GRAMD1C: variants seen among roughly 807,000 people sequenced by gnomAD.
The protein encoded by GRAMD1C is GRAM domain containing 1C.
In GRAMD1C, 89 loss-of-function variants were observed where a neutral mutation model predicts 97.8. The observed-to-expected ratio is 0.91, with a 90% CI of 0.77 to 1.09. The LOEUF is 1.09. Ranked by LOEUF, GRAMD1C falls within the 50% of genes least tolerant of loss-of-function variation. The probability of loss-of-function intolerance (pLI) is 0.00; values close to 1 mark genes in which losing one functional copy is unlikely to be tolerated. For missense variants in GRAMD1C, 740 were observed against 766.4 expected, an observed-to-expected ratio of 0.97 and a Z score of 0.41; for synonymous variants, 256 against 267.0, an observed-to-expected ratio of 0.96 and a Z score of 0.40.
Position 113,947,068 on chromosome 3 carries a change from T to TAC in GRAMD1C, c.*1591_*1592insCA, listed in dbSNP as rs1165130343. ...CATACTTCAAGGAAGAGTATCGAAG[T>TAC]AAGTTGCTTTATAAATTAAGACTAA... On this transcript the variant is annotated 3_prime_UTR_variant, in exon 18 of 18. Transcript: ENST00000358160. 1 of 152,234 alleles carries TAC rather than the reference T, an allele frequency of 6.6e-6. No individual in the cohort carries two copies. Among genetic ancestry groups the TAC allele is most frequent in the Non-Finnish European group, 1.5e-5 (1 of 68,044 alleles). The allele number at this position is 152,234 out of a possible 1,614,324, so 9.4% of individuals were successfully genotyped here. A position where few individuals can be genotyped will look rare whatever the true frequency, so the allele number is the denominator to read the frequency against.
intron 3 of GRAMD1C, among the ~76,000 whole-genome samples, chr3:113,872,041 G>A (rs971168803): frequency 6.6e-6 from 1 of 152,118 alleles, no homozygotes; most frequent in African/African-American, 2.4e-5. Flanking sequence ...TTTCTAGACA[G>A]CTCAGCTCAA....
intron 6 of GRAMD1C, among the ~76,000 whole-genome samples, chr3:113,895,344 C>T (rs748792307): frequency 4.6e-5 from 7 of 152,146 alleles, no homozygotes; most frequent in African/African-American, 9.7e-5. Context: ...AGTATCAGCT[C>T]GTGAGTGTGG....
At chr3:113,864,678 G>A (rs1934515729) in intron 2 of GRAMD1C, among the ~76,000 whole-genome samples, 2 of 152,164 alleles carry the variant, frequency 1.3e-5, no homozygotes, top group Non-Finnish European at 1.5e-5. Context: ...GACCTCTTCA[G>A]AATGGCCTTT....
In GRAMD1C at chr3:113,872,957, C is replaced by T. The variant is rs192322882; in HGVS notation, c.260-2527C>T. Among the ~76,000 whole-genome samples the T allele has an allele frequency of 9.6e-3, 1,444 of 150,310 alleles. 19 individuals are homozygous for T. Among genetic ancestry groups the T allele is most frequent in the African/African-American group, 0.033 (1,341 of 40,956 alleles). On this transcript the variant is annotated intron_variant, in intron 3 of 17. Transcript: ENST00000358160. ...AAAATTAGCCAGGCGTGGTGGCCAG[C>T]GCCTATAGTCCCAGCTACTCGGGAG...
At chr3:113,846,227 C>T (rs552751020) in intron 2 of GRAMD1C, among the ~76,000 whole-genome samples, 86 of 152,192 alleles carry the variant, frequency 5.7e-4, no homozygotes, top group African/African-American at 1.9e-3. Context: ...CAGCCTCAGC[C>T]TCCCAAGTAG....
intron 2 of GRAMD1C, among the ~76,000 whole-genome samples, chr3:113,862,025 G>A (rs545492993): frequency 1.3e-5 from 2 of 152,240 alleles, no homozygotes; most frequent in African/African-American, 4.8e-5. Context: ...TAGGGTGTGG[G>A]TCACAGAGAT....
intron 2 of GRAMD1C, among the ~76,000 whole-genome samples, chr3:113,854,335 G>A (rs543097626): frequency 1.3e-5 from 2 of 152,246 alleles, no homozygotes; most frequent in Admixed American, 1.3e-4. Flanking sequence ...AGAAAATATG[G>A]ATAGAGAAGA....
intron 2 of GRAMD1C, among the ~76,000 whole-genome samples, chr3:113,868,662 A>G (rs1173971424): frequency 1.3e-5 from 2 of 152,074 alleles, no homozygotes; most frequent in East Asian, 3.9e-4. Flanking sequence ...CCTTCTATTG[A>G]CAGATCTGTG....
chr3:113,859,292 C>T (rs568225513), intron 2 of GRAMD1C, among the ~76,000 whole-genome samples: 5 of 152,110 alleles, frequency 3.3e-5, no homozygotes, highest in South Asian at 4.1e-4. Context: ...TCATCAGTTC[C>T]GTGTGTTATT....
chr3:113,863,067 A>G (rs763146231), intron 2 of GRAMD1C, among the ~76,000 whole-genome samples: 10 of 152,214 alleles, frequency 6.6e-5, no homozygotes, highest in African/African-American at 9.6e-5. Context: ...TATATGACCC[A>G]GCAATTCTTC....
chr3:113,869,585 A>G lies in GRAMD1C; in HGVS notation c.253A>G (p.Ile85Val). ...FTHLPDTERL[I>V]ADYACALQRD... ...ACATCTACCTGATACAGAGAGGCTG[A>G]TAGCAGGTAAAATAGAAATTTTCAA... is the stretch of plus-strand genomic sequence containing the variant. The change falls in exon 3 of 18, where the codon ATA becomes GTA. Residue 85 changes from isoleucine to valine, a missense_variant. Physicochemically the swap from Ile to Val is conservative, Grantham distance 29. Coordinates refer to ENST00000358160, the MANE Select transcript of GRAMD1C (RefSeq NM_017577.5). The G allele has an allele frequency of 1.4e-6, 2 of 1,438,844 alleles. No individual in the cohort carries two copies. The highest frequency in any genetic ancestry group is 4.6e-5 in the East Asian group (2 of 43,666). 89.1% of individuals were successfully genotyped at this position (1,438,844 alleles called of 1,614,324 possible).
intron 9 of GRAMD1C, among the ~76,000 whole-genome samples, chr3:113,914,691 T>A (rs1378748846): frequency 6.6e-6 from 1 of 152,144 alleles, no homozygotes; most frequent in African/African-American, 2.4e-5. Context: ...TTTTTTTTTT[T>A]TCTTTTCTGT....
At chr3:113,879,710 T>G (rs1249277702) in intron 5 of GRAMD1C, among the ~76,000 whole-genome samples, 1 of 149,424 alleles carries the variant, frequency 6.7e-6, no homozygotes, top group African/African-American at 2.5e-5. Context: ...TTTTTTTTTT[T>G]GAGACAGAGT....
intron 5 of GRAMD1C, among the ~76,000 whole-genome samples, chr3:113,877,707 C>G (rs565368175): frequency 6.6e-6 from 1 of 151,952 alleles, no homozygotes; most frequent in Non-Finnish European, 1.5e-5. Flanking sequence ...TTACTTTGAA[C>G]GTTCGATTAA....
At chr3:113,910,736 G>C (rs1233382414) in intron 9 of GRAMD1C, among the ~76,000 whole-genome samples, 1 of 152,072 alleles carries the variant, frequency 6.6e-6, no homozygotes, top group African/African-American at 2.4e-5. Flanking sequence ...AAGATAAGTG[G>C]GCTGCTGATG....
At chr3:113,894,570 C>T (rs1367576279) in intron 6 of GRAMD1C, among the ~76,000 whole-genome samples, 1 of 152,162 alleles carries the variant, frequency 6.6e-6, no homozygotes, top group Non-Finnish European at 1.5e-5. Flanking sequence ...TGAGCCACCA[C>T]GCCCGGCCTG....
intron 8 of GRAMD1C, among the ~76,000 whole-genome samples, chr3:113,906,606 TA>T (rs773843291): frequency 5.9e-5 from 9 of 152,144 alleles, no homozygotes; most frequent in Non-Finnish European, 1.3e-4. Flanking sequence ...GTTCATAAAA[TA>T]AAAATGTTAC....
chr3:113,828,773 C>T (rs1397484664), intron 1 of GRAMD1C, among the ~76,000 whole-genome samples: 1 of 152,132 alleles, frequency 6.6e-6, no homozygotes, highest in Admixed American at 6.6e-5. Context: ...CTTTCAATTC[C>T]TGGTTTCTTA....
At chr3:113,846,464 G>C (rs1933618621) in intron 2 of GRAMD1C, among the ~76,000 whole-genome samples, 1 of 152,076 alleles carries the variant, frequency 6.6e-6, no homozygotes, top group Admixed American at 6.5e-5. Context: ...CATACTCTTA[G>C]GGACTATCTA....
Sources: gnomAD v4.1 joint callset for allele counts (sites outside exome capture counted in the v4.1 genomes callset) on GRCh38, gnomAD v4.1.1 for gene constraint, MANE v1.5 for transcripts, NCBI Gene and HGNC (gene_info 2026-07-23, HGNC 2026-07-21) for gene names.